Variants in PKD2 observed in about 807,000 individuals in gnomAD.
PKD2 encodes polycystin 2, transient receptor potential cation channel, also known as polycystin-2.
A neutral mutation model predicts 105.9 loss-of-function variants in PKD2; 48 were observed. That is an observed-to-expected ratio of 0.45 (90% confidence interval 0.36 to 0.58). The LOEUF is 0.58. Ranked by LOEUF, PKD2 falls within the 20% of genes least tolerant of loss-of-function variation. The pLI is 0.00. For synonymous variants in PKD2, 464 were observed against 481.1 expected (o/e 0.96, Z 0.46); for missense variants, 1,078 against 1,255.3 (o/e 0.86, Z 2.13).
At chr4:88,072,122 A>G (rs1721059916) in intron 13 of PKD2, among the ~76,000 whole-genome samples, 1 of 151,766 alleles carries the variant, frequency 6.6e-6, no homozygotes, top group African/African-American at 2.4e-5. Context: ...AGCTAGGACT[A>G]CAGGTGCACG....
At chr4:88,014,932 A>G (rs1053740476) in intron 1 of PKD2, among the ~76,000 whole-genome samples, 2 of 152,152 alleles carry the variant, frequency 1.3e-5, no homozygotes, top group Non-Finnish European at 2.9e-5. Context: ...CCATTTTTAG[A>G]TGAGGAAGTG....
intron 10 of PKD2, among the ~76,000 whole-genome samples, chr4:88,062,282 A>G (rs1343871073): frequency 2.0e-5 from 3 of 152,186 alleles, no homozygotes; most frequent in Non-Finnish European, 4.4e-5. Context: ...CATCACCTTC[A>G]TTATTTTGAC....
intron 2 of PKD2, among the ~76,000 whole-genome samples, chr4:88,026,432 A>G (rs1383350925): frequency 6.6e-6 from 1 of 152,182 alleles, no homozygotes; most frequent in Non-Finnish European, 1.5e-5. Flanking sequence ...AGCATTCGAG[A>G]GGTGACCTGG....
intron 6 of PKD2, 46 bp downstream of exon 6, chr4:88,046,916 A>G (rs771670643): frequency 3.7e-6 from 4 of 1,088,952 alleles, no homozygotes; most frequent in Non-Finnish European, 5.7e-6. Context: ...TTCTACAAGC[A>G]TGTTAACTAG....
Position 88,075,691 on chromosome 4 carries a change from A to C in PKD2, c.2904A>C (p.Val968=), listed in dbSNP as rs777215141. 17 of 1,600,526 alleles carry C rather than the reference A, an allele frequency of 1.1e-5. No homozygotes were observed. In the Admixed American group the frequency reaches 2.8e-4, roughly 27 times the overall value. The change falls in exon 15 of 15, where the codon GTA becomes GTC. Residue 968 remains valine (V), a synonymous_variant. Coordinates refer to ENST00000237596, the MANE Select transcript of PKD2 (RefSeq NM_000297.4). ...GAAATGGGAGTTCTAATGTCCACGT[A>C]TGATATGTGTGTTTCAGTATGTGTG... The part of the protein sequence containing the change: ...AGGNGSSNVH[V]
rs772139352 is a variant in PKD2 at position 88,036,239 on chromosome 4, C to A, written c.729C>A (p.Ser243Arg). The A allele has an allele frequency of 6.2e-7, 1 of 1,613,712 alleles. No homozygotes were observed. ...TTCCAGTGACCTACGGCATGATGAG[C>A]TCCAATGTGTACTACTACACCCGGA... ...VLCILTYGMM[S>R]SNVYYYTRMM... Residue 243 changes from serine to arginine, a missense_variant, in exon 3 of 15, where the codon AGC (serine) becomes AGA (arginine). Around this residue, in one of 2 missense-constraint regions of PKD2, gnomAD observed 868 missense variants for 1,067.3 expected, o/e 0.81. Coordinates refer to ENST00000237596, the MANE Select transcript of PKD2 (RefSeq NM_000297.4).
chr4:88,048,994 T>A lies in PKD2; in HGVS notation c.1548+2124T>A, dbSNP rs184484647. 2.0e-5 allele frequency among the ~76,000 whole-genome samples: 3 copies of A among 152,348 alleles called. No homozygotes were observed. The East Asian group carries it at 5.8e-4, about 29-fold the overall frequency. On this transcript the variant is annotated intron_variant, in intron 6 of 14. Transcript: ENST00000237596. ...CTCTTGGCTTATATGGATTTATTTA[T>A]GTTTAGGCCATTGAAATAATGGTAG...
chr4:88,057,833 TTGTAAA>T (rs1382749553), intron 8 of PKD2, 144 bp from the exon 9 acceptor site: 5 of 691,082 alleles, frequency 7.2e-6, no homozygotes, highest in African/African-American at 1.8e-5. Context: ...TAGCAAGACT[TTGTAAA>T]TGGGATTGAC....
Position 88,047,462 on chromosome 4 carries a change from G to A in PKD2, c.1548+592G>A, listed in dbSNP as rs528821546. Among the ~76,000 whole-genome samples the A allele has an allele frequency of 3.3e-5, 5 of 152,240 alleles. No homozygotes were observed. In the South Asian group the frequency reaches 8.3e-4, roughly 25 times the overall value. On this transcript the variant is annotated intron_variant, in intron 6 of 14. Transcript: ENST00000237596. ...TGTAGTCTCAGCTATTCCAGAGGCC[G>A]AAGTGGGAGGATCATTTGAGCCCAG...
At chr4:88,052,806 AGGGAAGGGGAGAGTTGCT>A (rs1056537913) in intron 7 of PKD2, among the ~76,000 whole-genome samples, 20 of 152,272 alleles carry the variant, frequency 1.3e-4, no homozygotes, top group African/African-American at 4.1e-4. Context: ...GAGCAGGTGG[AGGGAAGGGGAGAGTTGCT>A]GCACTTGGAA....
chr4:88,075,869 A>ATTTT lies in PKD2; in HGVS notation c.*181_*184dup. On this transcript the variant is annotated 3_prime_UTR_variant, in exon 15 of 15. Transcript: ENST00000237596. The stretch of plus-strand genomic sequence containing the variant: ...TATAAACTTTACCCATGGTTCAAAG[A>ATTTT]TTTTTTTTTCTTTTTCTCATATAAG... 1 of 649,666 alleles carries ATTTT rather than the reference A, an allele frequency of 1.5e-6. No homozygotes were observed. Among genetic ancestry groups the ATTTT allele is most frequent in the Non-Finnish European group, 2.7e-6 (1 of 370,026 alleles). 40.2% of individuals were successfully genotyped at this position (649,666 alleles called of 1,614,324 possible).
At position 88,038,307 on chromosome 4, in the gene PKD2, G is replaced by C. The variant is rs1394365736; in HGVS notation, c.900G>C (p.Gln300His). 1.9e-6 allele frequency: 3 copies of C among 1,613,944 alleles called. No homozygotes were observed. The highest frequency in any genetic ancestry group is 4.5e-5 in the East Asian group (2 of 44,886). Reference sequence around the variant, plus strand: ...ACTGGAAGATGCAGCCCAGCAACCAGACTGAAGCTGACAACCGAAGTTTCA... The same window carrying C: ...ACTGGAAGATGCAGCCCAGCAACCACACTGAAGCTGACAACCGAAGTTTCA... ...GLYWKMQPSN[Q>H]TEADNRSFIF... The change falls in exon 4 of 15, where the codon CAG becomes CAC. Residue 300 changes from glutamine to histidine, a missense_variant. Around this residue, in one of 2 missense-constraint regions of PKD2, gnomAD observed 868 missense variants for 1,067.3 expected, o/e 0.81. Transcript: ENST00000237596.
chr4:88,066,980 G>C (rs1035342274), intron 12 of PKD2, among the ~76,000 whole-genome samples: 1 of 152,080 alleles, frequency 6.6e-6, no homozygotes, highest in Non-Finnish European at 1.5e-5. Flanking sequence ...AGAAAATGAG[G>C]AAAATTTTTA....
chr4:88,061,615 GTAATCCCA>G (rs1720573397), intron 9 of PKD2, among the ~76,000 whole-genome samples: 7 of 152,050 alleles, frequency 4.6e-5, no homozygotes, highest in Non-Finnish European at 1.0e-4. Context: ...GCACATGCCT[GTAATCCCA>G]GCTACTCAGG....
chr4:88,065,978 A>G lies in PKD2; in HGVS notation c.2358+99A>G, dbSNP rs563585772. The G allele has an allele frequency of 6.4e-6, 5 of 778,270 alleles. No homozygotes were observed. In the East Asian group the frequency reaches 7.4e-5, roughly 12 times the overall value. The allele number at this position is 778,270 out of a possible 1,614,324, so 48.2% of individuals were successfully genotyped here. ...TAGTGGGTTATTGAGTCTCTTGCCC[A>G]TTCCCCACCACACTCTCTCTCTCTC... On this transcript the variant is annotated intron_variant, in intron 12 of 14. Coordinates refer to ENST00000237596, the MANE Select transcript of PKD2 (RefSeq NM_000297.4).
intron 2 of PKD2, among the ~76,000 whole-genome samples, chr4:88,032,482 G>A (rs77048245): frequency 6.6e-6 from 1 of 152,124 alleles, no homozygotes; most frequent in Non-Finnish European, 1.5e-5. Context: ...GTGGTTTACT[G>A]TATTTTGTTC....
At chr4:88,012,299 A>G (rs1477064354) in intron 1 of PKD2, among the ~76,000 whole-genome samples, 3 of 152,228 alleles carry the variant, frequency 2.0e-5, no homozygotes, top group African/African-American at 7.2e-5. Flanking sequence ...TGACTTGCCC[A>G]GGGCCGCAAC....
At position 88,043,417 on chromosome 4, in the gene PKD2, T is replaced by G; in HGVS notation, c.1279T>G (p.Ser427Ala). The change falls in exon 5 of 15, where the codon TCA becomes GCA. Residue 427 changes from serine to alanine, a missense_variant. By Grantham distance (99) the Ser-to-Ala change is moderately conservative. This residue lies in a region of PKD2 where 868 missense variants were observed against 1,067.3 expected (regional missense o/e 0.81). Coordinates refer to ENST00000237596, the MANE Select transcript of PKD2 (RefSeq NM_000297.4). ...AACCAGGGCAACTTTTATTGACTTC[T>G]CAGTGTACAACGCCAACATTAACCT... ...RGTRATFIDF[S>A]VYNANINLFC... 6.2e-7 allele frequency: 1 copy of G among 1,613,970 alleles called. No homozygotes were observed. Among genetic ancestry groups the G allele is most frequent in the Non-Finnish European group, 8.5e-7 (1 of 1,179,866 alleles).
rs143041912 is a variant in PKD2 at position 88,026,917 on chromosome 4, T to C, written c.709+7346T>C. Among the ~76,000 whole-genome samples, 374 of 152,178 alleles carry C rather than the reference T, an allele frequency of 2.5e-3. 3 individuals are homozygous for C. The highest frequency in any genetic ancestry group is 8.6e-3 in the African/African-American group (359 of 41,526). On this transcript the variant is annotated intron_variant, in intron 2 of 14. Coordinates refer to ENST00000237596, the MANE Select transcript of PKD2 (RefSeq NM_000297.4). ...TTAGCAGCTTCCATGTGGTGTTGGG[T>C]CTTTGGGTGCACAGAAGACAAAAGT...
Sources: gnomAD v4.1 joint callset for allele counts (sites outside exome capture counted in the v4.1 genomes callset) on GRCh38, gnomAD v4.1.1 for gene constraint, gnomAD v4.1.1 regional missense constraint, MANE v1.5 for transcripts, NCBI Gene and HGNC (gene_info 2026-07-23, HGNC 2026-07-21) for gene names.